SLC5A1: variants seen among roughly 807,000 people sequenced by gnomAD.
SLC5A1 encodes sodium/glucose cotransporter 1.
Under a neutral mutation model 73.5 loss-of-function variants are expected in SLC5A1, and 42 were observed. The ratio of observed to expected loss-of-function variants is 0.57; its 90% CI spans 0.45 to 0.74. SLC5A1 has a LOEUF of 0.74. Among genes scored for constraint, SLC5A1 ranks in the 30% least tolerant of loss-of-function variants. The pLI is 0.00. For missense variants in SLC5A1, 634 were observed against 855.4 expected (o/e 0.74, Z 3.23); for synonymous variants, 300 against 317.4 (o/e 0.95, Z 0.58).
At chr22:32,055,966 C>T (rs1338353695) in intron 2 of SLC5A1, among the ~76,000 whole-genome samples, 2 of 152,158 alleles carry the variant, frequency 1.3e-5, no homozygotes, top group African/African-American at 4.8e-5. Flanking sequence ...AGCCTCAAAC[C>T]AGACCTACTG....
At position 32,078,347 on chromosome 22, in the gene SLC5A1, A is replaced by G. The variant is rs566220397; in HGVS notation, c.478-3519A>G. Among the ~76,000 whole-genome samples, 4 of 152,186 alleles carry G rather than the reference A, an allele frequency of 2.6e-5. No individual in the cohort carries two copies. In the East Asian group the frequency reaches 7.7e-4, roughly 29 times the overall value. On this transcript the variant is annotated intron_variant, in intron 5 of 14. Coordinates refer to ENST00000266088, the MANE Select transcript of SLC5A1 (RefSeq NM_000343.4). ...CAGTGGCACAATCTCGGCTCACTGC[A>G]ACCTCTGCCTCCCAGGTTCAAGCAA...
intron 5 of SLC5A1, among the ~76,000 whole-genome samples, chr22:32,076,910 T>C (rs574994644): frequency 6.6e-6 from 1 of 152,356 alleles, no homozygotes; most frequent in Non-Finnish European, 1.5e-5. Context: ...TTCAACGTGA[T>C]GGGAACAACA....
At chr22:32,073,869 T>C (rs2093986694) in intron 5 of SLC5A1, among the ~76,000 whole-genome samples, 1 of 152,040 alleles carries the variant, frequency 6.6e-6, no homozygotes, top group Non-Finnish European at 1.5e-5. Context: ...CCCGGGTTGG[T>C]TTTTAGTTAT....
At position 32,112,429 on chromosome 22, in the gene SLC5A1, T is replaced by C. The variant is rs1430475832; in HGVS notation, c.*2216T>C. ...TCACAGAGCTGTTGTAAAGATTAGG[T>C]GAGGTCAATTGATACTGCTTAAAAG... On this transcript the variant is annotated 3_prime_UTR_variant, in exon 15 of 15. Transcript: ENST00000266088. 1.3e-5 allele frequency: 2 copies of C among 152,046 alleles called. No homozygotes were observed. Among genetic ancestry groups the C allele is most frequent in the African/African-American group, 4.8e-5 (2 of 41,378 alleles). The allele number at this position is 152,046 out of a possible 1,614,324, so 9.4% of individuals were successfully genotyped here.
chr22:32,073,336 T>C (rs2093985633), intron 5 of SLC5A1, among the ~76,000 whole-genome samples: 1 of 152,206 alleles, frequency 6.6e-6, no homozygotes, highest in African/African-American at 2.4e-5. Context: ...CACGTAAGTT[T>C]TCACTGAACT....
At chr22:32,070,895 G>T (rs1424022006) in intron 5 of SLC5A1, among the ~76,000 whole-genome samples, 1 of 152,072 alleles carries the variant, frequency 6.6e-6, no homozygotes, top group African/African-American at 2.4e-5. Flanking sequence ...GAAAAGAAAA[G>T]AAAAGAAAAT....
At chr22:32,106,575 A>G (rs537574159) in intron 14 of SLC5A1, among the ~76,000 whole-genome samples, 3 of 152,366 alleles carry the variant, frequency 2.0e-5, no homozygotes, top group Admixed American at 2.0e-4. Flanking sequence ...AGTTCTAGTG[A>G]CATCAAGATG....
intron 2 of SLC5A1, among the ~76,000 whole-genome samples, chr22:32,063,627 A>T (rs1033109056): frequency 3.9e-5 from 6 of 152,028 alleles, no homozygotes; most frequent in African/African-American, 1.4e-4. Context: ...CAGTGTTATG[A>T]TCAGAGTTGT....
At chr22:32,097,750 T>G (rs143533288) in intron 11 of SLC5A1, among the ~76,000 whole-genome samples, 1 of 152,378 alleles carries the variant, frequency 6.6e-6, no homozygotes, top group East Asian at 1.9e-4. Context: ...CTTAGTTAAC[T>G]ATCACTTAGA....
intron 2 of SLC5A1, among the ~76,000 whole-genome samples, chr22:32,052,048 T>C (rs577916549): frequency 1.8e-4 from 27 of 152,348 alleles, no homozygotes; most frequent in African/African-American, 6.0e-4. Flanking sequence ...ACTTATCTGA[T>C]TGAATCCTCA....
chr22:32,056,248 C>T (rs577286024), intron 2 of SLC5A1, among the ~76,000 whole-genome samples: 1 of 152,146 alleles, frequency 6.6e-6, no homozygotes, highest in African/African-American at 2.4e-5. Flanking sequence ...CTCGAACTCC[C>T]GAGCTCAAGC....
chr22:32,092,236 T>C (rs1265057077), intron 11 of SLC5A1, among the ~76,000 whole-genome samples: 2 of 152,240 alleles, frequency 1.3e-5, no homozygotes, highest in Non-Finnish European at 2.9e-5. Flanking sequence ...CTTAGAATAA[T>C]AGTCTCCAGT....
chr22:32,084,393 G>C (rs2149492285), intron 7 of SLC5A1, 46 bp from the exon 8 acceptor site: 1 of 1,530,264 alleles, frequency 6.5e-7, no homozygotes, highest in Non-Finnish European at 9.1e-7. Flanking sequence ...CTGCTATGAC[G>C]AGTTGAAGGT....
In SLC5A1 at chr22:32,043,821, A is replaced by T. The variant is rs2093933515; in HGVS notation, c.135+405A>T. On this transcript the variant is annotated intron_variant, in intron 1 of 14. Transcript: ENST00000266088. The surrounding 1 kb of genome is among the most constrained non-coding windows in gnomAD (Gnocchi z 6.5). Reference sequence around the variant, plus strand: ...TTAGTCATCCAGTTTCAGATGGGAAAGAAATGGTGTGGAGTGGGAAAGCCA... The same window carrying T: ...TTAGTCATCCAGTTTCAGATGGGAATGAAATGGTGTGGAGTGGGAAAGCCA... 6.6e-6 allele frequency among the ~76,000 whole-genome samples: 1 copy of T among 152,194 alleles called. No individual in the cohort carries two copies. The highest frequency in any genetic ancestry group is 1.5e-5 in the Non-Finnish European group (1 of 68,040).
Position 32,049,097 on chromosome 22 carries a change from T to A in SLC5A1, c.136-846T>A, listed in dbSNP as rs1224318873. ...TAAAATAAATAAATAAATAAATATA[T>A]ATATATATATATATAATCATTATAT... On this transcript the variant is annotated intron_variant, in intron 1 of 14. Transcript: ENST00000266088. 8.7e-3 allele frequency among the ~76,000 whole-genome samples: 1,200 copies of A among 137,546 alleles called. 27 individuals carry two copies. Among genetic ancestry groups the A allele is most frequent in the African/African-American group, 0.03 (1,022 of 33,796 alleles). The allele number at this position is 137,546 out of a possible 152,430, so 90.2% of individuals were successfully genotyped here.
rs66483574 is a variant in SLC5A1 at position 32,054,665 on chromosome 22, ATATTTATT to A, written c.207+4669_207+4676del. On this transcript the variant is annotated intron_variant, in intron 2 of 14. Transcript: ENST00000266088. ...GGGGCCAGTGTGGGGTACAGATGGTATATTTATTTATTTATTTATTTATTTGAGACAGG... is the reference window on the plus strand; with the variant it reads ...GGGGCCAGTGTGGGGTACAGATGGTATATTTATTTATTTATTTGAGACAGG... Among the ~76,000 whole-genome samples the A allele has an allele frequency of 6.8e-3, 1,030 of 151,810 alleles. 6 individuals are homozygous for A. Among genetic ancestry groups the A allele is most frequent in the African/African-American group, 0.021 (865 of 41,414 alleles).
rs557285566 is a variant in SLC5A1, at chr22:32,093,588, C to CTT, written c.1280+1835_1280+1836dup. Among the ~76,000 whole-genome samples, 115 of 146,706 alleles carry CTT rather than the reference C, an allele frequency of 7.8e-4. 2 individuals carry two copies. Among genetic ancestry groups the CTT allele is most frequent in the Middle Eastern group, 3.6e-3 (1 of 280 alleles). The stretch of plus-strand genomic sequence containing the variant: ...CTTTTCTTTTCTCTTCTCTCTCTTT[C>CTT]TTTTTTTTTTGCAGCTATTGTACAA... On this transcript the variant is annotated intron_variant, in intron 11 of 14. Coordinates refer to ENST00000266088, the MANE Select transcript of SLC5A1 (RefSeq NM_000343.4).
chr22:32,077,306 C>G (rs920333815), intron 5 of SLC5A1, among the ~76,000 whole-genome samples: 4 of 149,828 alleles, frequency 2.7e-5, no homozygotes. Flanking sequence ...CCCTTTCTTT[C>G]CTTCCTTCCC....
Position 32,081,953 on chromosome 22 carries a change from G to A in SLC5A1, c.565G>A (p.Ala189Thr). 6.2e-7 allele frequency: 1 copy of A among 1,610,660 alleles called. No individual in the cohort carries two copies. The highest frequency in any genetic ancestry group is 8.5e-7 in the Non-Finnish European group (1 of 1,176,950). Residue 189 changes from alanine to threonine, a missense_variant, in exon 6 of 15, where the codon GCC becomes ACC. Physicochemically the swap from Ala to Thr is moderately conservative, Grantham distance 58. Coordinates refer to ENST00000266088, the MANE Select transcript of SLC5A1 (RefSeq NM_000343.4). ...LAIFLLLAIT[A>T]LYTITGGLAA... is the part of the protein sequence containing the mutation. The stretch of plus-strand genomic sequence containing the variant: ...CATCTTTCTCTTATTGGCAATCACT[G>A]CCCTTTACACAATTACAGGTGAGTC...
Sources: allele counts gnomAD v4.1 joint callset (sites outside exome capture counted in the v4.1 genomes callset), GRCh38; gene constraint gnomAD v4.1.1; non-coding constraint Gnocchi (gnomAD v3.1); transcripts MANE v1.5; gene names NCBI Gene and HGNC (gene_info 2026-07-23, HGNC 2026-07-21).